Variants in MBNL3 observed in about 807,000 individuals in gnomAD.
The protein encoded by MBNL3 is muscleblind like splicing regulator 3, also known as muscleblind-like protein 3.
MBNL3 carries 6 observed loss-of-function variants against 24.5 expected under a neutral mutation model. The observed-to-expected ratio is 0.25, with a 90% confidence interval of 0.13 to 0.48. The LOEUF (loss-of-function observed/expected upper bound fraction) is 0.48, where lower values mean the gene tolerates loss of function less well. MBNL3 is among the 20% of genes least tolerant of loss of function. The pLI is 0.99. For missense variants in MBNL3, 230 were observed against 293.5 expected, an observed-to-expected ratio of 0.78 and a Z score of 1.58; for synonymous variants, 100 against 101.7, an observed-to-expected ratio of 0.98 and a Z score of 0.10.
In MBNL3 at chrX:132,396,829, T is replaced by TATATACATATATATATTC. The variant is rs1569426019; in HGVS notation, c.343-4496_343-4495insGAATATATATATGTATAT. On this transcript the variant is annotated intron_variant, in intron 3 of 8. Transcript: ENST00000370853. ...ATTCATATATACATATATATATTCA[T>TATATACATATATATATTC]ATATATATTCATATATACATATATA... 1.9e-3 allele frequency among the ~76,000 whole-genome samples: 69 copies of TATATACATATATATATTC among 36,761 alleles called. 16 individuals carry two copies. The highest frequency in any genetic ancestry group is 9.9e-3 in the African/African-American group (64 of 6,460). The allele number at this position is 36,761 out of a possible 115,157, so 31.9% of individuals were successfully genotyped here.
chrX:132,449,035 T>C (rs1267271542), intron 1 of MBNL3, among the ~76,000 whole-genome samples: 2 of 112,188 alleles, frequency 1.8e-5, no homozygotes, highest in East Asian at 5.5e-4. Context: ...TTGCATTTGC[T>C]GAGGAGTGTT....
chrX:132,394,440 T>C (rs1047852947), intron 3 of MBNL3, among the ~76,000 whole-genome samples: 10 of 112,096 alleles, frequency 8.9e-5, no homozygotes, highest in Non-Finnish European at 1.7e-4. Flanking sequence ...ACCAAGAATC[T>C]CTGATGAGAA....
At chrX:132,445,963 A>G (rs1050137178) in intron 1 of MBNL3, among the ~76,000 whole-genome samples, 8 of 110,685 alleles carry the variant, frequency 7.2e-5, no homozygotes, top group Admixed American at 2.9e-4. Context: ...ACCCTCCAAC[A>G]GGCCGTGGTG....
intron 1 of MBNL3, among the ~76,000 whole-genome samples, chrX:132,485,010 G>A (rs766957411): frequency 1.8e-5 from 2 of 110,537 alleles, no homozygotes; most frequent in African/African-American, 6.6e-5. Flanking sequence ...TCTGAGCAAA[G>A]CATCTTTTTA....
intron 5 of MBNL3, among the ~76,000 whole-genome samples, chrX:132,390,041 A>C (rs1936843778): frequency 9.2e-6 from 1 of 108,251 alleles, no homozygotes; most frequent in African/African-American, 3.4e-5. Flanking sequence ...AAAACTACAA[A>C]AATTAGCCAG....
At chrX:132,463,576 A>G in intron 1 of MBNL3, among the ~76,000 whole-genome samples, 1 of 112,347 alleles carries the variant, frequency 8.9e-6, no homozygotes, top group Non-Finnish European at 1.9e-5. Context: ...TTATCCACAC[A>G]CGGCAAGCCC....
At chrX:132,446,041 C>T (rs748513305) in intron 1 of MBNL3, among the ~76,000 whole-genome samples, 5 of 111,482 alleles carry the variant, frequency 4.5e-5, no homozygotes, top group Non-Finnish European at 9.4e-5. Flanking sequence ...TGAAAATATG[C>T]AGTGTTTAGT....
intron 2 of MBNL3, chrX:132,411,270 G>C (rs1254109381): frequency 2.7e-6 from 2 of 754,001 alleles, no homozygotes; most frequent in Non-Finnish European, 3.1e-6. Context: ...GCGCAAACCA[G>C]ATAACAAGTT....
chrX:132,475,779 C>G (rs1283098419), intron 1 of MBNL3, among the ~76,000 whole-genome samples: 2 of 111,413 alleles, frequency 1.8e-5, no homozygotes, highest in African/African-American at 6.5e-5. Context: ...GTTGTAAACA[C>G]TGTTTCTCCT....
At position 132,406,989 on chromosome X, in the gene MBNL3, G is replaced by A. The variant is rs1474865076; in HGVS notation, c.178-597C>T. On this transcript the variant is annotated intron_variant, in intron 2 of 8. Coordinates refer to ENST00000370853, the MANE Select transcript of MBNL3 (RefSeq NM_001386889.1). ...GCTAAGATTCTTTACAGTAGGTGAG[G>A]TTATTGGGGAAGGGGAAGGTGGGGA... 3.6e-5 allele frequency among the ~76,000 whole-genome samples: 4 copies of A among 111,939 alleles called. No individual in the cohort carries two copies. In the East Asian group the frequency reaches 8.4e-4, roughly 24 times the overall value.
intron 1 of MBNL3, among the ~76,000 whole-genome samples, chrX:132,475,919 A>G (rs1603270280): frequency 9.0e-6 from 1 of 111,717 alleles, no homozygotes; most frequent in Middle Eastern, 4.7e-3. Context: ...CACCAAGCCA[A>G]TCAGAAAGGG....
intron 1 of MBNL3, among the ~76,000 whole-genome samples, chrX:132,472,296 A>G (rs1947221927): frequency 8.9e-6 from 1 of 112,070 alleles, no homozygotes; most frequent in African/African-American, 3.2e-5. Context: ...AAAGGGCTAA[A>G]TGTGAGCTTG....
intron 1 of MBNL3, among the ~76,000 whole-genome samples, chrX:132,467,574 T>C (rs987554129): frequency 2.3e-4 from 26 of 112,365 alleles, no homozygotes; most frequent in Admixed American, 2.8e-4. Flanking sequence ...TTAACAGCAA[T>C]ATATTTACAT....
chrX:132,489,624 A>G (rs1948188340), upstream of MBNL3, among the ~76,000 whole-genome samples: 1 of 111,473 alleles, frequency 9.0e-6, no homozygotes, highest in Non-Finnish European at 1.9e-5. Context: ...CCCGCGCCGG[A>G]CAGACGCGGC....
In MBNL3 at chrX:132,374,103, A is replaced by G. The variant is rs931531920; in HGVS notation, c.*5563T>C. 4 of 111,784 alleles carry G rather than the reference A, an allele frequency of 3.6e-5. No individual in the cohort carries two copies. The Admixed American group carries it at 3.8e-4, about 11-fold the overall frequency. 9.2% of individuals were successfully genotyped at this position (111,784 alleles called of 1,213,427 possible). On this transcript the variant is annotated 3_prime_UTR_variant, in exon 9 of 9. Transcript: ENST00000370853. ...GGAGGAACAATGGTCAACATTAACA[A>G]TTTGTCACTTAAATACCTATTAATT...
intron 1 of MBNL3, among the ~76,000 whole-genome samples, chrX:132,480,435 A>C (rs1947668331): frequency 8.9e-6 from 1 of 112,218 alleles, no homozygotes; most frequent in South Asian, 3.7e-4. Flanking sequence ...CCTCTGAGTT[A>C]AGAATTATCT....
At chrX:132,469,723 ACATAC>A (rs1352076318) in intron 1 of MBNL3, among the ~76,000 whole-genome samples, 2 of 112,120 alleles carry the variant, frequency 1.8e-5, no homozygotes, top group Non-Finnish European at 3.8e-5. Flanking sequence ...AATATAATTC[ACATAC>A]CATAAAATTC....
chrX:132,439,416 G>T lies in MBNL3; in HGVS notation c.177+19C>A. 1 of 1,124,584 alleles carries T rather than the reference G, an allele frequency of 8.9e-7. No individual in the cohort carries two copies. 92.7% of individuals were successfully genotyped at this position (1,124,584 alleles called of 1,213,427 possible). On this transcript the variant is annotated intron_variant, in intron 2 of 8. Transcript: ENST00000370853. ...AGAAATCAACAAATTTAAATTATGT[G>T]CATTCAGATGGGACTCACCTTTAGA...
In MBNL3 at chrX:132,386,826, A is replaced by T. The variant is rs773186378; in HGVS notation, c.772-15T>A. The T allele has an allele frequency of 2.5e-6, 3 of 1,207,666 alleles. No individual in the cohort carries two copies. In the South Asian group the frequency reaches 5.3e-5, roughly 21 times the overall value. The stretch of plus-strand genomic sequence containing the variant: ...GGCTGCAGGGCCTGTGGGGGGAGAG[A>T]TGGTACTAGTACTAGAGAAAGTAAC... On this transcript the variant is annotated splice_polypyrimidine_tract_variant and intron_variant, in intron 5 of 8. Coordinates refer to ENST00000370853, the MANE Select transcript of MBNL3 (RefSeq NM_001386889.1).
Sources: allele counts gnomAD v4.1 joint callset (sites outside exome capture counted in the v4.1 genomes callset), GRCh38; gene constraint gnomAD v4.1.1; transcripts MANE v1.5; gene names NCBI Gene and HGNC (gene_info 2026-07-23, HGNC 2026-07-21).